The following MPPED1 variants were observed in gnomAD, a reference collection of about 807,000 sequenced individuals.
MPPED1 encodes the protein metallophosphoesterase domain-containing protein 1.
Under a neutral mutation model 36.2 loss-of-function variants are expected in MPPED1, and 16 were observed. That is an observed-to-expected ratio of 0.44 (90% CI 0.30 to 0.67). MPPED1 has a LOEUF of 0.67. Ranked by LOEUF, MPPED1 falls within the 30% of genes least tolerant of loss-of-function variation. The probability of loss-of-function intolerance (pLI) is 0.10; values close to 1 mark genes in which losing one functional copy is unlikely to be tolerated. For missense variants in MPPED1, 307 were observed against 453.4 expected (o/e 0.68, Z 2.93); for synonymous variants, 199 against 191.3 (o/e 1.04, Z -0.33).
At chr22:43,470,969 G>A (rs1223796760) in intron 3 of MPPED1, among the ~76,000 whole-genome samples, 1 of 152,234 alleles carries the variant, frequency 6.6e-6, no homozygotes, top group Admixed American at 6.5e-5. Flanking sequence ...AGCAGGTGGT[G>A]GCTCCTGCCC....
At chr22:43,467,911 C>G (rs1420007051) in intron 3 of MPPED1, among the ~76,000 whole-genome samples, 1 of 152,168 alleles carries the variant, frequency 6.6e-6, no homozygotes, top group African/African-American at 2.4e-5. Context: ...GGAGGCAGCA[C>G]TTTCTGTTAA....
At chr22:43,455,553 C>T (rs1930725468) in intron 3 of MPPED1, among the ~76,000 whole-genome samples, 1 of 152,108 alleles carries the variant, frequency 6.6e-6, no homozygotes, top group East Asian at 1.9e-4. Flanking sequence ...TCAACATGTT[C>T]CTTTTGTGGA....
chr22:43,472,711 G>C (rs1199236996), intron 3 of MPPED1, among the ~76,000 whole-genome samples: 1 of 152,208 alleles, frequency 6.6e-6, no homozygotes, highest in Non-Finnish European at 1.5e-5. Flanking sequence ...TCTCGCCTTG[G>C]GGTTCCCTTT....
intron 1 of MPPED1, chr22:43,417,112 T>A: frequency 1.5e-6 from 1 of 688,554 alleles, no homozygotes; most frequent in Non-Finnish European, 1.8e-6. Context: ...AATTAGAAAG[T>A]GTAATTTAAA....
At chr22:43,441,971 G>A (rs1020166101) in intron 3 of MPPED1, among the ~76,000 whole-genome samples, 30 of 152,152 alleles carry the variant, frequency 2.0e-4, no homozygotes, top group African/African-American at 6.3e-4. Flanking sequence ...AGTGGAGGTC[G>A]GGGGCTTCAG....
chr22:43,461,129 T>G (rs894094089), intron 3 of MPPED1, among the ~76,000 whole-genome samples: 9 of 152,180 alleles, frequency 5.9e-5, no homozygotes, highest in Non-Finnish European at 2.9e-5. Context: ...TTTGGGAGGC[T>G]GAGATGGGAG....
At chr22:43,427,832 G>T (rs113239355) in intron 2 of MPPED1, among the ~76,000 whole-genome samples, 3,638 of 152,074 alleles carry the variant, frequency 0.024, 140 homozygotes, top group African/African-American at 0.08. Context: ...TGGCGCATGC[G>T]CTCTGCATAG....
At chr22:43,430,436 G>A (rs1438942858) in intron 2 of MPPED1, among the ~76,000 whole-genome samples, 1 of 152,214 alleles carries the variant, frequency 6.6e-6, no homozygotes, top group Non-Finnish European at 1.5e-5. Context: ...AGCAGGGCTG[G>A]AGCCTGGTGG....
intron 2 of MPPED1, among the ~76,000 whole-genome samples, chr22:43,432,471 G>GATAA: frequency 7.9e-6 from 1 of 126,034 alleles, no homozygotes; most frequent in African/African-American, 3.0e-5. Flanking sequence ...AGAGGAGAGA[G>GATAA]AGAGAAAGGG....
intron 2 of MPPED1, 120 bp from the exon 3 acceptor site, chr22:43,434,914 C>G: frequency 9.1e-7 from 1 of 1,093,418 alleles, no homozygotes; most frequent in South Asian, 1.5e-5. Context: ...AGTCCCTGGT[C>G]TGGTGGATCT....
chr22:43,468,895 A>G (rs998968934), intron 3 of MPPED1, among the ~76,000 whole-genome samples: 21 of 152,128 alleles, frequency 1.4e-4, no homozygotes, highest in Non-Finnish European at 1.5e-5. Context: ...GAGGTGGATG[A>G]GAAAAGGCAT....
intron 1 of MPPED1, 59 bp downstream of exon 1, chr22:43,412,217 C>A: frequency 1.1e-6 from 1 of 911,480 alleles, no homozygotes; most frequent in Non-Finnish European, 1.3e-6. Context: ...GCGCGGGGCG[C>A]GGCCGGGACC....
At chr22:43,466,489 C>T (rs767661228) in intron 3 of MPPED1, among the ~76,000 whole-genome samples, 1 of 152,178 alleles carries the variant, frequency 6.6e-6, no homozygotes, top group Non-Finnish European at 1.5e-5. Context: ...TCCTGAATAG[C>T]CCCGAAATGC....
chr22:43,495,956 G>A (rs1238917849), intron 4 of MPPED1, among the ~76,000 whole-genome samples: 501 of 126,712 alleles, frequency 4.0e-3, no homozygotes, highest in Non-Finnish European at 4.2e-3. Context: ...GGTGGTGGAG[G>A]TGGTGGTGGT....
At chr22:43,504,467 G>GATGATGGTGGTGGTGGTGATGA (rs1373746503) in intron 6 of MPPED1, among the ~76,000 whole-genome samples, 1 of 152,024 alleles carries the variant, frequency 6.6e-6, no homozygotes, top group Non-Finnish European at 1.5e-5. Flanking sequence ...CACCATTCTT[G>GATGATGGTGGTGGTGGTGATGA]ATGATGGTGG....
chr22:43,456,323 C>T (rs566654764), intron 3 of MPPED1, among the ~76,000 whole-genome samples: 46 of 152,308 alleles, frequency 3.0e-4, no homozygotes, highest in African/African-American at 1.1e-3. Context: ...GACAGGGTCT[C>T]ATTATATTGC....
chr22:43,431,468 G>A (rs1447176061), intron 2 of MPPED1, among the ~76,000 whole-genome samples: 2 of 152,086 alleles, frequency 1.3e-5, no homozygotes, highest in South Asian at 2.1e-4. Flanking sequence ...TACCAAGCAG[G>A]TCCCTGGCAT....
chr22:43,466,107 T>G (rs1420177402), intron 3 of MPPED1, among the ~76,000 whole-genome samples: 1 of 152,228 alleles, frequency 6.6e-6, no homozygotes, highest in Non-Finnish European at 1.5e-5. Flanking sequence ...TGTTCCTGTT[T>G]TTAAAACATT....
In MPPED1 at chr22:43,425,051, C is replaced by G; in HGVS notation, c.66C>G (p.Gly22=). 1.2e-6 allele frequency: 2 copies of G among 1,612,994 alleles called. No individual in the cohort carries two copies. The highest frequency in any genetic ancestry group is 2.2e-5 in the South Asian group (2 of 90,952). ...KAEALALLPC[G]LGMAFSQSHV... is the part of the protein sequence containing the mutation. ...AGGCCCTGGCCCTCCTCCCCTGCGGCCTGGGCATGGCATTCTCCCAGTCCC... is the reference window on the plus strand; with the variant it reads ...AGGCCCTGGCCCTCCTCCCCTGCGGGCTGGGCATGGCATTCTCCCAGTCCC... Residue 22 remains glycine (G), a synonymous_variant, in exon 2 of 7, where the codon GGC becomes GGG. Coordinates refer to ENST00000443721, the MANE Select transcript of MPPED1 (RefSeq NM_001044370.2).
Sources: gnomAD v4.1 joint callset for allele counts (sites outside exome capture counted in the v4.1 genomes callset) on GRCh38, gnomAD v4.1.1 for gene constraint, MANE v1.5 for transcripts, NCBI Gene and HGNC (gene_info 2026-07-23, HGNC 2026-07-21) for gene names.